Variants in CFTR observed in about 807,000 individuals in gnomAD.
CFTR encodes the protein cystic fibrosis transmembrane conductance regulator.
In CFTR, 181 loss-of-function variants were observed where a neutral mutation model predicts 171.6. That is an observed-to-expected ratio of 1.05 (90% CI 0.93 to 1.19). The LOEUF (loss-of-function observed/expected upper bound fraction) is 1.19. Ranked by LOEUF, CFTR falls within the 50% of genes most tolerant of loss-of-function variation. The probability of loss-of-function intolerance (pLI) is 0.00; values close to 1 mark genes in which losing one functional copy is unlikely to be tolerated. For synonymous variants in CFTR, 583 were observed against 608.0 expected (o/e 0.96, Z 0.60); for missense variants, 1,968 against 1,734.7 (o/e 1.13, Z -2.39).
In CFTR at chr7:117,638,808, G is replaced by T. The variant is rs142677818; in HGVS notation, c.3718-3630G>T. Among the ~76,000 whole-genome samples, 242 of 151,892 alleles carry T rather than the reference G, an allele frequency of 1.6e-3. No homozygotes were observed. The highest frequency in any genetic ancestry group is 0.013 in the South Asian group (63 of 4,816). On this transcript the variant is annotated intron_variant, in intron 22 of 26. Transcript: ENST00000003084. ...TAAAATAAAACAAAAATTTTATTCT[G>T]AGCAGTCTCTGAAGAATATAAATTC...
At chr7:117,638,789 A>T (rs1392693576) in intron 22 of CFTR, among the ~76,000 whole-genome samples, 1 of 151,670 alleles carries the variant, frequency 6.6e-6, no homozygotes, top group African/African-American at 2.4e-5. Flanking sequence ...AAAATAAAAT[A>T]AAACAAAAAT....
At chr7:117,588,642 G>A (rs1269051021) in intron 12 of CFTR, among the ~76,000 whole-genome samples, 1 of 152,084 alleles carries the variant, frequency 6.6e-6, no homozygotes, top group Non-Finnish European at 1.5e-5. Context: ...CCCTAACTGA[G>A]CACCTGCAAT....
chr7:117,544,981 G>A (rs1431261850), intron 9 of CFTR, among the ~76,000 whole-genome samples: 1 of 152,182 alleles, frequency 6.6e-6, no homozygotes, highest in Non-Finnish European at 1.5e-5. Context: ...TGGGCCAGTG[G>A]GTCCCCACCT....
chr7:117,639,371 A>G (rs533529744), intron 22 of CFTR, among the ~76,000 whole-genome samples: 1 of 152,206 alleles, frequency 6.6e-6, no homozygotes, highest in Non-Finnish European at 1.5e-5. Flanking sequence ...TGTAATAGCC[A>G]GAGCACCTTC....
rs143980575 is a variant in CFTR, at chr7:117,559,525, G to C, written c.1454G>C (p.Ser485Thr). ...CCTTCAGAGGGTAAAATTAAGCACAGTGGAAGAATTTCATTCTGTTCTCAG... is the reference window on the plus strand; with the variant it reads ...CCTTCAGAGGGTAAAATTAAGCACACTGGAAGAATTTCATTCTGTTCTCAG... ...LEPSEGKIKH[S>T]GRISFCSQFS... is the part of the protein sequence containing the mutation. The change falls in exon 11 of 27, where the codon AGT becomes ACT. Residue 485 changes from serine (S) to threonine (T), a missense_variant. Transcript: ENST00000003084. 1.4e-4 allele frequency: 218 copies of C among 1,611,968 alleles called. No individual in the cohort carries two copies. The highest frequency in any genetic ancestry group is 1.7e-4 in the Non-Finnish European group (202 of 1,178,358).
intron 3 of CFTR, among the ~76,000 whole-genome samples, chr7:117,513,928 T>A (rs538201962): frequency 1.3e-5 from 2 of 152,304 alleles, no homozygotes; most frequent in South Asian, 4.1e-4. Context: ...GCATTGTACA[T>A]CTTCCCCTTA....
intron 11 of CFTR, 133 bp from the exon 12 acceptor site, chr7:117,587,606 T>C (rs891102724): frequency 2.8e-5 from 17 of 612,580 alleles, no homozygotes; most frequent in Non-Finnish European, 4.2e-5. Context: ...ATAATGGAGA[T>C]GCAATGTTCA....
chr7:117,633,062 G>A (rs1159835993), intron 22 of CFTR, among the ~76,000 whole-genome samples: 1 of 152,150 alleles, frequency 6.6e-6, no homozygotes, highest in Non-Finnish European at 1.5e-5. Flanking sequence ...AACTGGCTGG[G>A]ATTTTGATTG....
chr7:117,548,499 A>G (rs1799203806), intron 9 of CFTR, 142 bp from the exon 10 acceptor site: 1 of 1,445,052 alleles, frequency 6.9e-7, no homozygotes, highest in African/African-American at 1.4e-5. Context: ...ACTATAAAGT[A>G]ATAATGTATA....
chr7:117,601,201 AT>A (rs1246206139), intron 15 of CFTR, among the ~76,000 whole-genome samples: 1 of 152,098 alleles, frequency 6.6e-6, no homozygotes, highest in Non-Finnish European at 1.5e-5. Context: ...GTACACCCTT[AT>A]CTAGGATCCT....
At chr7:117,631,190 C>T (rs1417759717) in intron 22 of CFTR, among the ~76,000 whole-genome samples, 4 of 151,994 alleles carry the variant, frequency 2.6e-5, no homozygotes, top group African/African-American at 7.3e-5. Flanking sequence ...CTCAGATAAT[C>T]CAGGTAGATT....
intron 10 of CFTR, among the ~76,000 whole-genome samples, chr7:117,553,648 T>C (rs961044840): frequency 6.6e-6 from 1 of 152,216 alleles, no homozygotes; most frequent in Non-Finnish European, 1.5e-5. Flanking sequence ...ATTTCTTTTA[T>C]TATAAGTAGT....
chr7:117,635,600 C>A (rs1584833416), intron 22 of CFTR, among the ~76,000 whole-genome samples: 1 of 151,822 alleles, frequency 6.6e-6, no homozygotes, highest in Admixed American at 6.6e-5. Context: ...CTTTTCTTAG[C>A]ATAGTAATTC....
At chr7:117,653,011 C>T (rs1199078510) in intron 24 of CFTR, 80 bp downstream of exon 24, 1 of 892,548 alleles carries the variant, frequency 1.1e-6, no homozygotes, top group Non-Finnish European at 1.9e-6. Context: ...CATCATTCTA[C>T]ACACTTTGTG....
chr7:117,576,456 C>A (rs996703012), intron 11 of CFTR, among the ~76,000 whole-genome samples: 10 of 151,726 alleles, frequency 6.6e-5, no homozygotes, highest in African/African-American at 2.4e-4. Flanking sequence ...CAAATACTAC[C>A]CCATTTATAT....
intron 22 of CFTR, among the ~76,000 whole-genome samples, chr7:117,641,940 A>G (rs1433881847): frequency 6.6e-6 from 1 of 152,188 alleles, no homozygotes; most frequent in Non-Finnish European, 1.5e-5. Context: ...CTGCCTGAAC[A>G]TATCATTGTT....
intron 11 of CFTR, among the ~76,000 whole-genome samples, chr7:117,567,163 G>T (rs1420873593): frequency 6.6e-6 from 1 of 152,012 alleles, no homozygotes; most frequent in Non-Finnish European, 1.5e-5. Flanking sequence ...CCGATGTTTC[G>T]ACCCTCTTGA....
intron 25 of CFTR, among the ~76,000 whole-genome samples, chr7:117,665,078 C>T (rs1340067329): frequency 1.3e-5 from 2 of 152,236 alleles, no homozygotes; most frequent in Non-Finnish European, 2.9e-5. Flanking sequence ...TTCATACAAA[C>T]TCTTCCCCCT....
At chr7:117,582,110 A>G (rs1360401428) in intron 11 of CFTR, among the ~76,000 whole-genome samples, 1 of 152,026 alleles carries the variant, frequency 6.6e-6, no homozygotes, top group African/African-American at 2.4e-5. Flanking sequence ...ATTTTATCTC[A>G]TTGCTTTATA....
Sources: gnomAD v4.1 joint callset for allele counts (sites outside exome capture counted in the v4.1 genomes callset) on GRCh38, gnomAD v4.1.1 for gene constraint, MANE v1.5 for transcripts, NCBI Gene and HGNC (gene_info 2026-07-23, HGNC 2026-07-21) for gene names.